VGLL4: variants seen among roughly 807,000 people sequenced by gnomAD.
VGLL4 encodes the protein vestigial like family member 4.
Under a neutral mutation model 21.0 loss-of-function variants are expected in VGLL4, and 7 were observed. That is an observed-to-expected ratio of 0.33 (90% CI 0.19 to 0.63). The LOEUF is 0.63. VGLL4 is among the 20% of genes least tolerant of loss of function. The pLI, the probability that VGLL4 is intolerant of heterozygous loss-of-function variation, is 0.78. For missense variants in VGLL4, 394 were observed against 425.7 expected (o/e 0.93, Z 0.66); for synonymous variants, 222 against 173.2 (o/e 1.28, Z -2.21).
At chr3:11,696,073 G>C (rs990510121) in intron 2 of VGLL4, among the ~76,000 whole-genome samples, 1 of 152,144 alleles carries the variant, frequency 6.6e-6, no homozygotes, top group East Asian at 1.9e-4. Context: ...TCCCGTTTGG[G>C]CTTTCCTGAT....
chr3:11,692,794 C>T (rs982907627), intron 2 of VGLL4, among the ~76,000 whole-genome samples: 3 of 152,154 alleles, frequency 2.0e-5, no homozygotes, highest in Non-Finnish European at 4.4e-5. Context: ...AGGCATCCAA[C>T]TTCTCCTAAT....
chr3:11,694,275 C>T (rs1323211564), intron 2 of VGLL4, among the ~76,000 whole-genome samples: 1 of 152,176 alleles, frequency 6.6e-6, no homozygotes, highest in Non-Finnish European at 1.5e-5. Context: ...GGTGCTATGT[C>T]ACCAAGTATT....
At chr3:11,577,054 CAG>C (rs2125211241) in intron 2 of VGLL4, among the ~76,000 whole-genome samples, 1 of 152,318 alleles carries the variant, frequency 6.6e-6, no homozygotes, top group South Asian at 2.1e-4. Flanking sequence ...TAGAGTCAGA[CAG>C]AGGAGCTCAT....
At chr3:11,688,205 T>G (rs2076478161) in intron 2 of VGLL4, among the ~76,000 whole-genome samples, 1 of 152,208 alleles carries the variant, frequency 6.6e-6, no homozygotes, top group Admixed American at 6.5e-5. Context: ...TTTATTTAAC[T>G]TTGTACTCTC....
intron 2 of VGLL4, among the ~76,000 whole-genome samples, chr3:11,669,271 C>T (rs914946433): frequency 1.8e-4 from 27 of 152,258 alleles, no homozygotes; most frequent in African/African-American, 6.5e-4. Flanking sequence ...AGAGCCTGTA[C>T]TCCCAGCTCA....
chr3:11,631,462 A>C (rs1439307412), intron 1 of VGLL4, among the ~76,000 whole-genome samples: 1 of 152,220 alleles, frequency 6.6e-6, no homozygotes, highest in African/African-American at 2.4e-5. Flanking sequence ...TAAGGACAAA[A>C]ATAAGGTTTG....
intron 2 of VGLL4, among the ~76,000 whole-genome samples, chr3:11,649,893 CTATTTGGTTTGGTTTGGTTTGGTTT>C (rs533822474): frequency 0.024 from 3,533 of 145,570 alleles, 122 homozygotes; most frequent in African/African-American, 0.083. Flanking sequence ...CACAAGTGCT[CTATTTGGTTTGGTTTGGTTTGGTTT>C]GGTTTGGTTT....
At chr3:11,566,625 A>C (rs1349568524) in intron 2 of VGLL4, among the ~76,000 whole-genome samples, 1 of 152,166 alleles carries the variant, frequency 6.6e-6, no homozygotes, top group Admixed American at 6.5e-5. Flanking sequence ...TCCTCAAATA[A>C]GATGCGGCCA....
intron 1 of VGLL4, 72 bp downstream of exon 1, chr3:11,643,365 C>G: frequency 6.2e-7 from 1 of 1,610,802 alleles, no homozygotes; most frequent in South Asian, 1.1e-5. Context: ...GCTTAGAAGG[C>G]AGGCACCCAG....
rs1205845924 is a variant in VGLL4 at position 11,719,061 on chromosome 3, T to G, written c.-14+1333A>C. 6.6e-6 allele frequency among the ~76,000 whole-genome samples: 1 copy of G among 152,140 alleles called. No individual in the cohort carries two copies. Among genetic ancestry groups the G allele is most frequent in the Non-Finnish European group, 1.5e-5 (1 of 68,014 alleles). On this transcript the variant is annotated intron_variant, in intron 1 of 5. Coordinates refer to the VGLL4 transcript ENST00000273038. The surrounding 1 kb of genome is among the most constrained non-coding windows in gnomAD (Gnocchi z 4.0). ...CTGTGCTCTTCCGCGAGGCCTGCAC[T>G]GGGTGCAGGGAGAGTGTGCAGTCCT... is the stretch of plus-strand genomic sequence containing the variant.
intron 1 of VGLL4, among the ~76,000 whole-genome samples, chr3:11,712,834 G>A (rs1390386344): frequency 6.6e-6 from 1 of 152,142 alleles, no homozygotes; most frequent in Non-Finnish European, 1.5e-5. Context: ...TTTCAACAGC[G>A]AGCAAGGGGA....
intron 1 of VGLL4, chr3:11,627,279 G>A (rs2075372724): frequency 1.4e-5 from 2 of 144,576 alleles, no homozygotes; most frequent in African/African-American, 5.3e-5. Flanking sequence ...GGCCACTGGT[G>A]AGAAAACCAT....
chr3:11,685,552 T>C (rs1338834126), intron 2 of VGLL4, among the ~76,000 whole-genome samples: 2 of 152,214 alleles, frequency 1.3e-5, no homozygotes, highest in African/African-American at 4.8e-5. Flanking sequence ...TCCAAGTCTT[T>C]GTTATTGTGA....
At chr3:11,641,945 A>G (rs1180064042) in intron 1 of VGLL4, among the ~76,000 whole-genome samples, 4 of 151,870 alleles carry the variant, frequency 2.6e-5, no homozygotes, top group African/African-American at 4.8e-5. Flanking sequence ...AAAATATCGT[A>G]TTACTTGTTG....
Position 11,565,298 on chromosome 3 carries a change from T to C in VGLL4, c.273-279A>G, listed in dbSNP as rs1022646137. Among the ~76,000 whole-genome samples the C allele has an allele frequency of 6.6e-6, 1 of 152,008 alleles. No individual in the cohort carries two copies. Among genetic ancestry groups the C allele is most frequent in the African/African-American group, 2.4e-5 (1 of 41,364 alleles). ...TCCTCTGCCTGACTCTGTGTTCACT[T>C]CTATAATAATCTCCACTCCCTGGGA... On this transcript the variant is annotated intron_variant, in intron 2 of 4. Transcript: ENST00000430365. This position sits in a 1 kb window ranked among gnomAD's most constrained non-coding sequence, Gnocchi z 4.1.
At position 11,664,595 on chromosome 3, in the gene VGLL4, G is replaced by C. The variant is rs138880405; in HGVS notation, c.64+38376C>G. Among the ~76,000 whole-genome samples the C allele has an allele frequency of 7.5e-3, 1,142 of 152,334 alleles. 11 individuals are homozygous for C. Among genetic ancestry groups the C allele is most frequent in the African/African-American group, 0.025 (1,054 of 41,578 alleles). On this transcript the variant is annotated intron_variant, in intron 2 of 5. Coordinates refer to the VGLL4 transcript ENST00000273038. Reference sequence around the variant, plus strand: ...GCTGAGAGAAGAATCTGGGGACCAGGGCTGGAGAATCAGGGCTGAATAACG... The same window carrying C: ...GCTGAGAGAAGAATCTGGGGACCAGCGCTGGAGAATCAGGGCTGAATAACG...
At chr3:11,573,245 G>A (rs566576880) in intron 2 of VGLL4, among the ~76,000 whole-genome samples, 3 of 78,698 alleles carry the variant, frequency 3.8e-5, no homozygotes, top group Admixed American at 1.7e-4. Flanking sequence ...AAAAGAAATA[G>A]AGAAAGAAAG....
chr3:11,595,530 T>C (rs1419643242), intron 2 of VGLL4, among the ~76,000 whole-genome samples: 1 of 151,922 alleles, frequency 6.6e-6, no homozygotes, highest in Non-Finnish European at 1.5e-5. Flanking sequence ...TAAAGACACA[T>C]GCACACGTAT....
rs114306806 is a variant in VGLL4 at position 11,655,399 on chromosome 3, G to A, written c.64+47572C>T. Among the ~76,000 whole-genome samples, 457 of 152,252 alleles carry A rather than the reference G, an allele frequency of 3.0e-3. 1 individual carries two copies. The highest frequency in any genetic ancestry group is 0.01 in the African/African-American group (424 of 41,546). ...CTCGTGGGCAGGACTAGGGGGCGAC[G>A]TGAGCCCACCTAACAAACAGCCTGG... On this transcript the variant is annotated intron_variant, in intron 2 of 5. Coordinates refer to the VGLL4 transcript ENST00000273038.
Sources: allele counts gnomAD v4.1 joint callset (sites outside exome capture counted in the v4.1 genomes callset), GRCh38; gene constraint gnomAD v4.1.1; non-coding constraint Gnocchi (gnomAD v3.1); transcripts MANE v1.5; gene names NCBI Gene and HGNC (gene_info 2026-07-23, HGNC 2026-07-21).